ADAM20: variants seen among roughly 807,000 people sequenced by gnomAD.
The protein encoded by ADAM20 is ADAM metallopeptidase domain 20.
For synonymous variants in ADAM20, 305 were observed against 310.2 expected (o/e 0.98, Z 0.18); for missense variants, 871 against 883.2 (o/e 0.99, Z 0.18).
chr14:70,538,956 C>A (rs1025902380), upstream of ADAM20, among the ~76,000 whole-genome samples: 3 of 152,196 alleles, frequency 2.0e-5, no homozygotes, highest in African/African-American at 2.4e-5. Flanking sequence ...TGTCACCATG[C>A]CTGTAGGGAG....
chr14:70,535,062 C>G (rs1019769705), upstream of ADAM20: 9 of 152,198 alleles, frequency 5.9e-5, no homozygotes, highest in Admixed American at 1.3e-4. Context: ...AGTTACTACT[C>G]AATGTTGATT....
chr14:70,570,831 C>G, the ADAM20 span, among the ~76,000 whole-genome samples: 4 of 152,126 alleles, frequency 2.6e-5, no homozygotes, highest in African/African-American at 9.7e-5. Flanking sequence ...GGTCAATATA[C>G]TTTCTGAACA....
chr14:70,563,153 C>A, the ADAM20 span, among the ~76,000 whole-genome samples: 1 of 152,064 alleles, frequency 6.6e-6, no homozygotes, highest in Non-Finnish European at 1.5e-5. Context: ...ATAACTGGAC[C>A]AAATGAGATG....
the ADAM20 span, among the ~76,000 whole-genome samples, chr14:70,570,463 A>T: frequency 1.3e-5 from 2 of 152,188 alleles, no homozygotes; most frequent in Admixed American, 6.5e-5. Flanking sequence ...CCACAGAAAG[A>T]AAAAAGATCA....
At chr14:70,559,278 GAAA>G in the ADAM20 span, among the ~76,000 whole-genome samples, 6,313 of 133,292 alleles carry the variant, frequency 0.047, 235 homozygotes, top group African/African-American at 0.11. Flanking sequence ...AAGTTGCCTA[GAAA>G]AAAAAAAAAG....
the ADAM20 span, among the ~76,000 whole-genome samples, chr14:70,572,763 T>C: frequency 7.3e-5 from 11 of 151,688 alleles, no homozygotes; most frequent in Non-Finnish European, 1.0e-4. Flanking sequence ...AAAACCACCA[T>C]TGAAAAGTAG....
chr14:70,528,672 T>C (rs1278126943), intron 1 of ADAM20, among the ~76,000 whole-genome samples: 2 of 152,140 alleles, frequency 1.3e-5, no homozygotes, highest in East Asian at 1.9e-4. Flanking sequence ...AATGAGAGGC[T>C]TGGGAAAATA....
the ADAM20 span, among the ~76,000 whole-genome samples, chr14:70,567,178 T>C: frequency 2.0e-5 from 3 of 152,266 alleles, no homozygotes; most frequent in East Asian, 5.8e-4. Context: ...CAAACTGAGA[T>C]GACAGGTGCA....
In ADAM20 at chr14:70,522,804, A is replaced by G. The variant is rs1205203829; in HGVS notation, c.1954T>C (p.Cys652Arg). 2.5e-6 allele frequency: 4 copies of G among 1,613,848 alleles called. No homozygotes were observed. The African/African-American group carries it at 5.3e-5, about 22-fold the overall frequency. The change falls in exon 2 of 2, where the codon TGT (cysteine) becomes CGT (arginine). Residue 652 changes from cysteine (C) to arginine (R), a missense_variant. Coordinates refer to ENST00000256389, the MANE Select transcript of ADAM20 (RefSeq NM_003814.5). ...GGTGCCCATTCATGGTTGCAGTGAC[A>G]GTGTTGTTTGTTGTTGCAGATTCCC... ...MRGICNNKQH[C>R]HCNHEWAPPY... is the part of the protein sequence containing the mutation.
Position 70,524,377 on chromosome 14 carries a change from G to A in ADAM20, c.381C>T (p.Thr127=). ...GVPESLVALS[T]CSGGFLGMLQ... is the part of the protein sequence containing the mutation. ...GCATTCCAAGAAAGCCCCCAGAACA[G>A]GTACTAAGGGCAACCAAGGACTCAG... The change falls in exon 2 of 2, where the codon ACC becomes ACT. Residue 127 remains threonine (T), a synonymous_variant. Transcript: ENST00000256389. 6.2e-7 allele frequency: 1 copy of A among 1,613,938 alleles called. No individual in the cohort carries two copies. The highest frequency in any genetic ancestry group is 8.5e-7 in the Non-Finnish European group (1 of 1,179,926).
At chr14:70,566,241 G>A in the ADAM20 span, among the ~76,000 whole-genome samples, 1 of 152,106 alleles carries the variant, frequency 6.6e-6, no homozygotes, top group South Asian at 2.1e-4. Flanking sequence ...AAAGTACTAA[G>A]AACTATAACA....
chr14:70,570,233 T>C, the ADAM20 span, among the ~76,000 whole-genome samples: 1 of 151,868 alleles, frequency 6.6e-6, no homozygotes, highest in Non-Finnish European at 1.5e-5. Context: ...CTAAAGGACT[T>C]AGGAAAACAA....
At chr14:70,564,082 A>ACTCC in the ADAM20 span, among the ~76,000 whole-genome samples, 1 of 152,114 alleles carries the variant, frequency 6.6e-6, no homozygotes, top group Non-Finnish European at 1.5e-5. Flanking sequence ...ATTTCAGTGT[A>ACTCC]CTCCCCAAGG....
rs1311821050 is a variant in ADAM20, at chr14:70,522,405, G to T, written c.*172C>A. ...TATTGCTTAAGACACTGTAGAGTAAGTAAGAATAGGCTAGGAATCCTTTGC... is the reference window on the plus strand; with the variant it reads ...TATTGCTTAAGACACTGTAGAGTAATTAAGAATAGGCTAGGAATCCTTTGC... On this transcript the variant is annotated 3_prime_UTR_variant, in exon 2 of 2. Transcript: ENST00000256389. The T allele has an allele frequency of 5.8e-6, 4 of 686,322 alleles. No individual in the cohort carries two copies. The highest frequency in any genetic ancestry group is 9.5e-6 in the Non-Finnish European group (4 of 422,862). The allele number at this position is 686,322 out of a possible 1,614,324, so 42.5% of individuals were successfully genotyped here. A position where few individuals can be genotyped will look rare whatever the true frequency, so the allele number is the denominator to read the frequency against.
chr14:70,528,186 TAATTATGTTAA>T (rs1227852734), intron 1 of ADAM20, among the ~76,000 whole-genome samples: 1 of 152,232 alleles, frequency 6.6e-6, no homozygotes, highest in Non-Finnish European at 1.5e-5. Context: ...ATCCTTAATA[TAATTATGTTAA>T]ACCTGCATAA....
At position 70,522,849 on chromosome 14, in the gene ADAM20, G is replaced by T; in HGVS notation, c.1909C>A (p.Pro637Thr). 6.2e-7 allele frequency: 1 copy of T among 1,614,052 alleles called. No homozygotes were observed. Among genetic ancestry groups the T allele is most frequent in the Non-Finnish European group, 8.5e-7 (1 of 1,179,938 alleles). Residue 637 changes from proline to threonine, a missense_variant, in exon 2 of 2, where the codon CCT becomes ACT. Transcript: ENST00000256389. ...ATTCCCCTCATGTTGCAGGTCTTAG[G>T]CTGACAGGCTTGTGACAGATGAACC... is the stretch of plus-strand genomic sequence containing the variant. ...SMVHLSQACQ[P>T]KTCNMRGICN...
chr14:70,571,891 C>T, the ADAM20 span, among the ~76,000 whole-genome samples: 1 of 151,948 alleles, frequency 6.6e-6, no homozygotes, highest in Admixed American at 6.6e-5. Context: ...AATAGCCACA[C>T]ACAAAAAATA....
chr14:70,568,269 C>T, the ADAM20 span, among the ~76,000 whole-genome samples: 4 of 152,254 alleles, frequency 2.6e-5, no homozygotes, highest in African/African-American at 4.8e-5. Flanking sequence ...CCACAACCAA[C>T]GTACCCATAT....
the ADAM20 span, among the ~76,000 whole-genome samples, chr14:70,545,502 G>C: frequency 1.3e-5 from 2 of 151,090 alleles, no homozygotes; most frequent in Admixed American, 1.3e-4. Flanking sequence ...GACACACAGA[G>C]ACTAAAAATA....
Sources: gnomAD v4.1 joint callset for allele counts (sites outside exome capture counted in the v4.1 genomes callset) on GRCh38, gnomAD v4.1.1 for gene constraint, MANE v1.5 for transcripts, NCBI Gene and HGNC (gene_info 2026-07-23, HGNC 2026-07-21) for gene names.